The following XRCC4 variants were observed in gnomAD, a reference collection of about 807,000 sequenced individuals.
XRCC4 encodes the protein DNA repair protein XRCC4.
Under a neutral mutation model 39.1 loss-of-function variants are expected in XRCC4, and 28 were observed. The observed-to-expected ratio is 0.72, with a 90% CI of 0.53 to 0.98. The LOEUF (loss-of-function observed/expected upper bound fraction) is 0.98. XRCC4 is among the 50% of genes least tolerant of loss of function. The probability of loss-of-function intolerance (pLI) is 0.00; values close to 1 mark genes in which losing one functional copy is unlikely to be tolerated. For synonymous variants in XRCC4, 123 were observed against 126.4 expected, an observed-to-expected ratio of 0.97 and a Z score of 0.18; for missense variants, 350 against 376.4, an observed-to-expected ratio of 0.93 and a Z score of 0.58.
chr5:83,294,071 A>G (rs1456341878), intron 7 of XRCC4, among the ~76,000 whole-genome samples: 3 of 151,896 alleles, frequency 2.0e-5, no homozygotes, highest in Non-Finnish European at 4.4e-5. Context: ...TTAATCATAA[A>G]TAGGTATAAA....
intron 6 of XRCC4, among the ~76,000 whole-genome samples, chr5:83,234,747 G>A (rs1205311626): frequency 6.6e-6 from 1 of 151,858 alleles, no homozygotes; most frequent in African/African-American, 2.4e-5. Flanking sequence ...AGGGATTGAG[G>A]GGACTATACT....
intron 7 of XRCC4, 64 bp downstream of exon 7, chr5:83,258,741 T>TA (rs28360229): frequency 0.011 from 16,191 of 1,521,836 alleles, 113 homozygotes; most frequent in Non-Finnish European, 0.013. Flanking sequence ...CATATGATCT[T>TA]AAAAATTATG....
chr5:83,329,580 T>C (rs1028174688), intron 7 of XRCC4, among the ~76,000 whole-genome samples: 1 of 152,070 alleles, frequency 6.6e-6, no homozygotes, highest in Non-Finnish European at 1.5e-5. Context: ...AACTTTTCAG[T>C]AGAAAAGCAT....
At chr5:83,345,707 C>T (rs780499961) in intron 7 of XRCC4, among the ~76,000 whole-genome samples, 4 of 151,962 alleles carry the variant, frequency 2.6e-5, no homozygotes, top group East Asian at 1.9e-4. Context: ...ATTGCTATTC[C>T]GGCCGTAGTG....
At chr5:83,351,876 A>G (rs1195422151) in intron 7 of XRCC4, among the ~76,000 whole-genome samples, 1 of 152,202 alleles carries the variant, frequency 6.6e-6, no homozygotes, top group Non-Finnish European at 1.5e-5. Flanking sequence ...AAAAATACTC[A>G]TCACCTAAAC....
At chr5:83,194,680 C>A (rs1750863199) in intron 3 of XRCC4, among the ~76,000 whole-genome samples, 1 of 152,116 alleles carries the variant, frequency 6.6e-6, no homozygotes, top group African/African-American at 2.4e-5. Flanking sequence ...AAAATCAATT[C>A]TCATTTTACT....
chr5:83,092,744 G>A (rs1745485774), intron 1 of XRCC4, among the ~76,000 whole-genome samples: 1 of 151,866 alleles, frequency 6.6e-6, no homozygotes, highest in African/African-American at 2.4e-5. Flanking sequence ...AAGCCTCATG[G>A]TAGCCAAAAA....
intron 7 of XRCC4, among the ~76,000 whole-genome samples, chr5:83,350,612 G>A (rs301291): frequency 0.013 from 1,934 of 151,972 alleles, 14 homozygotes; most frequent in Middle Eastern, 0.02. Context: ...TTATTAATGG[G>A]GTGATTTGCT....
chr5:83,236,300 A>G (rs1442419444), intron 6 of XRCC4, among the ~76,000 whole-genome samples: 1 of 152,152 alleles, frequency 6.6e-6, no homozygotes. Flanking sequence ...GCAACACATA[A>G]CCTTACTTCA....
chr5:83,271,221 T>A (rs1754135948), intron 7 of XRCC4, among the ~76,000 whole-genome samples: 1 of 152,152 alleles, frequency 6.6e-6, no homozygotes, highest in African/African-American at 2.4e-5. Context: ...CTGTCCTACA[T>A]TTGAAATAAT....
At chr5:83,281,597 A>G (rs1455837901) in intron 7 of XRCC4, among the ~76,000 whole-genome samples, 4 of 152,016 alleles carry the variant, frequency 2.6e-5, no homozygotes, top group Non-Finnish European at 5.9e-5. Flanking sequence ...CATGGTGGCA[A>G]TTGGTTATAC....
chr5:83,322,624 G>A lies in XRCC4; in HGVS notation c.894-30507G>A, dbSNP rs371019354. Among the ~76,000 whole-genome samples the A allele has an allele frequency of 3.3e-4, 50 of 152,300 alleles. No individual in the cohort carries two copies. The East Asian group carries it at 7.5e-3, about 23-fold the overall frequency. On this transcript the variant is annotated intron_variant, in intron 7 of 7. Coordinates refer to ENST00000396027, the MANE Select transcript of XRCC4 (RefSeq NM_003401.5). ...CCTAGGATTATCCTGGATTACCAAAGTAAGCCCAAATACAATTACATAGAT... is the reference window on the plus strand; with the variant it reads ...CCTAGGATTATCCTGGATTACCAAAATAAGCCCAAATACAATTACATAGAT...
intron 7 of XRCC4, among the ~76,000 whole-genome samples, chr5:83,297,275 C>G (rs1476678544): frequency 6.6e-6 from 1 of 151,942 alleles, no homozygotes; most frequent in Non-Finnish European, 1.5e-5. Flanking sequence ...TGAGGAACCT[C>G]TTTCATATTG....
intron 7 of XRCC4, among the ~76,000 whole-genome samples, chr5:83,271,301 G>C (rs1754138038): frequency 6.6e-6 from 1 of 152,088 alleles, no homozygotes; most frequent in African/African-American, 2.4e-5. Flanking sequence ...AGATTATTAT[G>C]TACTCTAAGA....
chr5:83,108,556 A>G (rs1746304409), intron 2 of XRCC4, among the ~76,000 whole-genome samples: 1 of 151,820 alleles, frequency 6.6e-6, no homozygotes, highest in South Asian at 2.1e-4. Flanking sequence ...ACAGGCTAGC[A>G]TTTTTGGAAT....
chr5:83,166,975 G>A (rs975165230), intron 3 of XRCC4, among the ~76,000 whole-genome samples: 8 of 151,596 alleles, frequency 5.3e-5, no homozygotes, highest in African/African-American at 9.7e-5. Context: ...TCTGCCTCCC[G>A]GGTTCAAACA....
intron 6 of XRCC4, among the ~76,000 whole-genome samples, chr5:83,206,346 C>A (rs2112738116): frequency 6.6e-6 from 1 of 152,160 alleles, no homozygotes; most frequent in South Asian, 2.1e-4. Context: ...TGCTTAGAGG[C>A]AGCAGGATTT....
chr5:83,119,003 GGAA>G (rs1417338300), intron 3 of XRCC4, among the ~76,000 whole-genome samples: 1 of 152,020 alleles, frequency 6.6e-6, no homozygotes, highest in East Asian at 1.9e-4. Context: ...ATTTTTTAGT[GGAA>G]AATCCATTCT....
chr5:83,336,817 A>G (rs1407748024), intron 7 of XRCC4, among the ~76,000 whole-genome samples: 1 of 152,124 alleles, frequency 6.6e-6, no homozygotes, highest in Non-Finnish European at 1.5e-5. Flanking sequence ...TCTCTTCCCA[A>G]TCATTCCAGT....
Sources: gnomAD v4.1 joint callset for allele counts (sites outside exome capture counted in the v4.1 genomes callset) on GRCh38, gnomAD v4.1.1 for gene constraint, MANE v1.5 for transcripts, NCBI Gene and HGNC (gene_info 2026-07-23, HGNC 2026-07-21) for gene names.